Variants in PDGFB observed in about 807,000 individuals in gnomAD.
PDGFB encodes the protein platelet derived growth factor subunit B.
A neutral mutation model predicts 29.0 loss-of-function variants in PDGFB; 6 were observed. The ratio of observed to expected loss-of-function variants is 0.21; its 90% CI spans 0.11 to 0.41. The LOEUF (loss-of-function observed/expected upper bound fraction) is 0.41. PDGFB is among the 10% of genes least tolerant of loss of function. The pLI is 1.00. For synonymous variants in PDGFB, 144 were observed against 140.8 expected (o/e 1.02, Z -0.16); for missense variants, 299 against 341.8 (o/e 0.87, Z 0.99).
chr22:39,230,121 A>G lies in PDGFB; in HGVS notation c.564T>C (p.Pro188=), dbSNP rs1257724434. The G allele has an allele frequency of 6.2e-7, 1 of 1,613,890 alleles. No individual in the cohort carries two copies. Among genetic ancestry groups the G allele is most frequent in the East Asian group, 2.2e-5 (1 of 44,886 alleles). Residue 188 remains proline, a synonymous_variant, in exon 5 of 7, where the codon CCT becomes CCC. Transcript: ENST00000331163. ...GGGAACCCCCCGGGCTTCGGGTCAC[A>G]GGCCGTGCAGCTGCCACTGTCTCAC... ...CKCETVAAAR[P]VTRSPGGSQE...
At position 39,244,104 on chromosome 22, in the gene PDGFB, G is replaced by A; in HGVS notation, c.-141C>T. The A allele has an allele frequency of 2.6e-6, 1 of 390,446 alleles. No individual in the cohort carries two copies. Among genetic ancestry groups the A allele is most frequent in the Non-Finnish European group, 4.3e-6 (1 of 231,428 alleles). 24.2% of individuals were successfully genotyped at this position (390,446 alleles called of 1,614,324 possible). A position where few individuals can be genotyped will look rare whatever the true frequency, so the allele number is the denominator to read the frequency against. On this transcript the variant is annotated 5_prime_UTR_variant, in exon 1 of 7. Coordinates refer to ENST00000331163, the MANE Select transcript of PDGFB (RefSeq NM_002608.4). This position sits in a 1 kb window ranked among gnomAD's most constrained non-coding sequence, Gnocchi z 4.5. ...CAGGCGCTCAGGCCTCTGCAGCCGC[G>A]GCTCACCCGCATGGCCCCCGGGCGC...
rs1932594888 is a variant in PDGFB at position 39,242,641 on chromosome 22, G to A, written c.63+1260C>T. Among the ~76,000 whole-genome samples, 2 of 151,790 alleles carry A rather than the reference G, an allele frequency of 1.3e-5. No individual in the cohort carries two copies. Among genetic ancestry groups the A allele is most frequent in the South Asian group, 2.1e-4 (1 of 4,822 alleles). ...AGCCCCGAGAACAAAAGGAGACGGC[G>A]ACGGCTCCTCCGTGGTCAAAACAAC... On this transcript the variant is annotated intron_variant, in intron 1 of 6. Transcript: ENST00000331163. This position sits in a 1 kb window ranked among gnomAD's most constrained non-coding sequence, Gnocchi z 5.7.
chr22:39,230,658 A>G (rs1932278997), intron 4 of PDGFB, among the ~76,000 whole-genome samples: 1 of 152,108 alleles, frequency 6.6e-6, no homozygotes, highest in Non-Finnish European at 1.5e-5. Context: ...CCATCCATAG[A>G]GCTGGAAGCA....
In PDGFB at chr22:39,231,567, G is replaced by T; in HGVS notation, c.456+55C>A. ...CCTGGTCAGGTATGAGCCCCAGAAGGGTGGTCTCCACCCACCACCGGGACC... is the reference window on the plus strand; with the variant it reads ...CCTGGTCAGGTATGAGCCCCAGAAGTGTGGTCTCCACCCACCACCGGGACC... On this transcript the variant is annotated intron_variant, in intron 4 of 6. Transcript: ENST00000331163. This position sits in a 1 kb window ranked among gnomAD's most constrained non-coding sequence, Gnocchi z 4.3. 1 of 1,312,998 alleles carries T rather than the reference G, an allele frequency of 7.6e-7. No homozygotes were observed. 81.3% of individuals were successfully genotyped at this position (1,312,998 alleles called of 1,614,324 possible). A position where few individuals can be genotyped will look rare whatever the true frequency, so the allele number is the denominator to read the frequency against.
Position 39,242,164 on chromosome 22 carries a change from CGT to C in PDGFB, c.63+1735_63+1736del, listed in dbSNP as rs1001347731. ...CGTGCGTTTGTGTGCGGTGCGCGCG[CGT>C]GTGTCCCGCGTGTGCACGGGCGTGG... On this transcript the variant is annotated intron_variant, in intron 1 of 6. Transcript: ENST00000331163. The surrounding 1 kb of genome is among the most constrained non-coding windows in gnomAD (Gnocchi z 5.7). 2.4e-4 allele frequency: 52 copies of C among 218,870 alleles called. No individual in the cohort carries two copies. The highest frequency in any genetic ancestry group is 6.3e-4 in the African/African-American group (28 of 44,450). The allele number at this position is 218,870 out of a possible 1,614,324, so 13.6% of individuals were successfully genotyped here.
chr22:39,233,500 A>G lies in PDGFB; in HGVS notation c.185T>C (p.Leu62Pro). Residue 62 changes from leucine to proline, a missense_variant, in exon 3 of 7, where the codon CTG becomes CCG. Coordinates refer to ENST00000331163, the MANE Select transcript of PDGFB (RefSeq NM_002608.4). The part of the protein sequence containing the change: ...PGEEDGAELD[L>P]NMTRSHSGGE... ...TCCAGAGTGGGAGCGGGTCATGTTC[A>G]GGTCCAACTCGGCCCCATCTTCCTC... is the stretch of plus-strand genomic sequence containing the variant. 1.3e-6 allele frequency: 2 copies of G among 1,593,098 alleles called. No individual in the cohort carries two copies. The highest frequency in any genetic ancestry group is 1.1e-5 in the South Asian group (1 of 87,916).
At chr22:39,240,952 C>G in intron 1 of PDGFB, 1 of 1,406,744 alleles carries the variant, frequency 7.1e-7, no homozygotes. Context: ...CTCTCTCTCT[C>G]TCTCTCTTCC....
chr22:39,230,887 G>A (rs111748807), intron 4 of PDGFB, among the ~76,000 whole-genome samples: 3 of 152,354 alleles, frequency 2.0e-5, no homozygotes, highest in African/African-American at 7.2e-5. Context: ...GGCTGGCCTG[G>A]GGCGTGCAGG....
At chr22:39,233,925 T>C (rs1932375267) in intron 2 of PDGFB, among the ~76,000 whole-genome samples, 1 of 150,156 alleles carries the variant, frequency 6.7e-6, no homozygotes. Flanking sequence ...AATGGAGAAA[T>C]TCCCAGAAGC....
Position 39,243,269 on chromosome 22 carries a change from TCTCTTTC to T in PDGFB, c.63+625_63+631del, listed in dbSNP as rs747506801. 9.8e-5 allele frequency among the ~76,000 whole-genome samples: 14 copies of T among 142,678 alleles called. No homozygotes were observed. The highest frequency in any genetic ancestry group is 3.6e-3 in the Middle Eastern group (1 of 280). 93.6% of individuals were successfully genotyped at this position (142,678 alleles called of 152,430 possible). A position where few individuals can be genotyped will look rare whatever the true frequency, so the allele number is the denominator to read the frequency against. On this transcript the variant is annotated intron_variant, in intron 1 of 6. Transcript: ENST00000331163. The surrounding 1 kb of genome is among the most constrained non-coding windows in gnomAD (Gnocchi z 6.4). ...CTCTCTCCGTCTCTCTCTCTCTCTC[TCTCTTTC>T]TCTCTCTCTCTCTCTCTCTCCCTGT... is the stretch of plus-strand genomic sequence containing the variant.
At chr22:39,237,881 G>C (rs1313532961) in intron 1 of PDGFB, among the ~76,000 whole-genome samples, 1 of 152,228 alleles carries the variant, frequency 6.6e-6, no homozygotes, top group African/African-American at 2.4e-5. Flanking sequence ...CGTTAGAAGG[G>C]GCAGAGAAAA....
In PDGFB at chr22:39,244,080, A is replaced by T; in HGVS notation, c.-117T>A. 1 of 511,928 alleles carries T rather than the reference A, an allele frequency of 2.0e-6. No individual in the cohort carries two copies. The highest frequency in any genetic ancestry group is 3.1e-6 in the Non-Finnish European group (1 of 319,536). 31.7% of individuals were successfully genotyped at this position (511,928 alleles called of 1,614,324 possible). A position where few individuals can be genotyped will look rare whatever the true frequency, so the allele number is the denominator to read the frequency against. On this transcript the variant is annotated 5_prime_UTR_variant, in exon 1 of 7. It removes the in-frame stop codon of an upstream open reading frame in the 5' UTR. Coordinates refer to ENST00000331163, the MANE Select transcript of PDGFB (RefSeq NM_002608.4). This position sits in a 1 kb window ranked among gnomAD's most constrained non-coding sequence, Gnocchi z 4.5. ...GGCTCGGCTCGGGTCCGCGGCGATC[A>T]GGCGCTCAGGCCTCTGCAGCCGCGG...
intron 1 of PDGFB, among the ~76,000 whole-genome samples, chr22:39,241,567 A>G (rs1296737092): frequency 6.6e-6 from 1 of 152,246 alleles, no homozygotes; most frequent in African/African-American, 2.4e-5. Context: ...CCCCAGATAC[A>G]CGAGCCCGTG....
chr22:39,244,954 C>G lies in PDGFB; in HGVS notation c.-991G>C, dbSNP rs1569141918. The stretch of plus-strand genomic sequence containing the variant: ...CGGGTGCGCAGGGAGGCAGGCAGGC[C>G]GCTCCCGGCTGCAGGAGGAGAAGTT... On this transcript the variant is annotated 5_prime_UTR_variant, in exon 1 of 7. Coordinates refer to ENST00000331163, the MANE Select transcript of PDGFB (RefSeq NM_002608.4). This position sits in a 1 kb window ranked among gnomAD's most constrained non-coding sequence, Gnocchi z 4.5. 6.6e-6 allele frequency among the ~76,000 whole-genome samples: 1 copy of G among 151,968 alleles called. No homozygotes were observed. Among genetic ancestry groups the G allele is most frequent in the Non-Finnish European group, 1.5e-5 (1 of 67,946 alleles).
rs79409466 is a variant in PDGFB at position 39,243,252 on chromosome 22, G to GTCTCTCTCTCTC, written c.63+637_63+648dup. Among the ~76,000 whole-genome samples the GTCTCTCTCTCTC allele has an allele frequency of 2.8e-5, 4 of 143,794 alleles. No individual in the cohort carries two copies. Among genetic ancestry groups the GTCTCTCTCTCTC allele is most frequent in the African/African-American group, 5.4e-5 (2 of 36,802 alleles). 94.3% of individuals were successfully genotyped at this position (143,794 alleles called of 152,430 possible). On this transcript the variant is annotated intron_variant, in intron 1 of 6. Coordinates refer to ENST00000331163, the MANE Select transcript of PDGFB (RefSeq NM_002608.4). The surrounding 1 kb of genome is among the most constrained non-coding windows in gnomAD (Gnocchi z 6.4). ...CCTCTCTCTCTCCGTCTCTCTCTCCGTCTCTCTCTCTCTCTCTCTCTTTCT... is the reference window on the plus strand; with the variant it reads ...CCTCTCTCTCTCCGTCTCTCTCTCCGTCTCTCTCTCTCTCTCTCTCTCTCTCTCTCTCTTTCT...
chr22:39,229,973 G>A (rs1188319759), intron 5 of PDGFB, 111 bp downstream of exon 5: 10 of 1,262,024 alleles, frequency 7.9e-6, no homozygotes, highest in South Asian at 5.6e-5. Context: ...AAAGCCTCCC[G>A]TGAATTTAAC....
chr22:39,243,274 TTCTC>T lies in PDGFB; in HGVS notation c.63+623_63+626del, dbSNP rs767228828. ...TCCGTCTCTCTCTCTCTCTCTCTCT[TTCTC>T]TCTCTCTCTCTCTCTCTCCCTGTTA... On this transcript the variant is annotated intron_variant, in intron 1 of 6. Transcript: ENST00000331163. This position sits in a 1 kb window ranked among gnomAD's most constrained non-coding sequence, Gnocchi z 6.4. Among the ~76,000 whole-genome samples the T allele has an allele frequency of 1.3e-4, 8 of 60,882 alleles. No individual in the cohort carries two copies. The highest frequency in any genetic ancestry group is 2.2e-4 in the Non-Finnish European group (5 of 22,882). 39.9% of individuals were successfully genotyped at this position (60,882 alleles called of 152,430 possible).
At position 39,223,741 on chromosome 22, in the gene PDGFB, A is replaced by C. The variant is rs149134987; in HGVS notation, c.*1601T>G. The C allele has an allele frequency of 9.8e-5, 15 of 152,754 alleles. No homozygotes were observed. Among genetic ancestry groups the C allele is most frequent in the Admixed American group, 2.6e-4 (4 of 15,304 alleles). The allele number at this position is 152,754 out of a possible 1,614,324, so 9.5% of individuals were successfully genotyped here. ...AACTTTAAATACGGAATATAAATAA[A>C]TTTTACATTTAAAAAATAAAAGGAA... is the stretch of plus-strand genomic sequence containing the variant. On this transcript the variant is annotated 3_prime_UTR_variant, in exon 7 of 7. Coordinates refer to ENST00000331163, the MANE Select transcript of PDGFB (RefSeq NM_002608.4).
At chr22:39,239,956 A>C (rs2146452790) in intron 1 of PDGFB, among the ~76,000 whole-genome samples, 1 of 152,310 alleles carries the variant, frequency 6.6e-6, no homozygotes, top group African/African-American at 2.4e-5. Flanking sequence ...GCAGAGGAAG[A>C]AGCTGATGAG....
Sources: allele counts gnomAD v4.1 joint callset (sites outside exome capture counted in the v4.1 genomes callset), GRCh38; gene constraint gnomAD v4.1.1; non-coding constraint Gnocchi (gnomAD v3.1); transcripts MANE v1.5; gene names NCBI Gene and HGNC (gene_info 2026-07-23, HGNC 2026-07-21).